NCALD: variants seen among roughly 807,000 people sequenced by gnomAD.
The protein encoded by NCALD is neurocalcin delta.
NCALD carries 10 observed loss-of-function variants against 18.6 expected under a neutral mutation model. The observed-to-expected ratio is 0.54, with a 90% CI of 0.33 to 0.91. The LOEUF is 0.91. Ranked by LOEUF, NCALD falls within the 40% of genes least tolerant of loss-of-function variation. The pLI is 0.03. For synonymous variants in NCALD, 88 were observed against 87.4 expected (o/e 1.01, Z -0.04); for missense variants, 184 against 247.6 (o/e 0.74, Z 1.72).
intron 1 of NCALD, among the ~76,000 whole-genome samples, chr8:102,089,398 GAA>G (rs575186551): frequency 8.0e-6 from 1 of 124,774 alleles, no homozygotes. Context: ...AGTCTCAAAG[GAA>G]AAAAAAAAAA....
At chr8:102,012,099 G>C (rs1394126740) in intron 2 of NCALD, among the ~76,000 whole-genome samples, 1 of 152,134 alleles carries the variant, frequency 6.6e-6, no homozygotes, top group African/African-American at 2.4e-5. Flanking sequence ...TGGGTACTTT[G>C]AGTCCACACT....
chr8:101,853,464 T>C (rs560161), intron 4 of NCALD, among the ~76,000 whole-genome samples: 57,625 of 151,742 alleles, frequency 0.38, 13,509 homozygotes, highest in African/African-American at 0.66. Flanking sequence ...ATCAAAATAT[T>C]GCAGTACTAA....
chr8:102,043,986 A>G (rs1356245694), intron 1 of NCALD, among the ~76,000 whole-genome samples: 1 of 151,902 alleles, frequency 6.6e-6, no homozygotes, highest in East Asian at 1.9e-4. Context: ...GCATTTTTTC[A>G]AAGACTCTAG....
chr8:101,958,905 G>T (rs1041554691), intron 2 of NCALD, among the ~76,000 whole-genome samples: 1 of 152,110 alleles, frequency 6.6e-6, no homozygotes, highest in African/African-American at 2.4e-5. Context: ...TGCAGAAACA[G>T]CACATTTGAG....
intron 2 of NCALD, among the ~76,000 whole-genome samples, chr8:101,929,069 A>G (rs1215466543): frequency 6.6e-6 from 1 of 151,874 alleles, no homozygotes; most frequent in Non-Finnish European, 1.5e-5. Flanking sequence ...GTATTCCCAT[A>G]TTATGTGATA....
chr8:101,917,523 G>A (rs562772645), intron 2 of NCALD, among the ~76,000 whole-genome samples: 1 of 151,866 alleles, frequency 6.6e-6, no homozygotes, highest in African/African-American at 2.4e-5. Flanking sequence ...AAATTCATAC[G>A]AAGAAGCAAC....
chr8:101,774,345 A>G (rs922017084), intron 1 of NCALD, among the ~76,000 whole-genome samples: 4 of 152,194 alleles, frequency 2.6e-5, no homozygotes, highest in African/African-American at 9.6e-5. Context: ...TATGAAAGAA[A>G]TAACTGAACA....
chr8:101,841,851 C>A (rs1481778450), intron 4 of NCALD, among the ~76,000 whole-genome samples: 1 of 152,070 alleles, frequency 6.6e-6, no homozygotes, highest in Non-Finnish European at 1.5e-5. Flanking sequence ...GAAGGGATTC[C>A]TCACTCTAGG....
chr8:101,855,232 AC>A (rs1439409074), intron 4 of NCALD, among the ~76,000 whole-genome samples: 1 of 152,122 alleles, frequency 6.6e-6, no homozygotes. Flanking sequence ...GGAGGATAAT[AC>A]CCCATCCCCT....
intron 1 of NCALD, among the ~76,000 whole-genome samples, chr8:102,040,172 C>T (rs1822999902): frequency 1.3e-5 from 2 of 152,092 alleles, no homozygotes; most frequent in Non-Finnish European, 2.9e-5. Context: ...ATGTTTATTG[C>T]TATTTTTATC....
intron 4 of NCALD, among the ~76,000 whole-genome samples, chr8:101,881,928 G>A (rs1331165637): frequency 6.6e-6 from 1 of 152,132 alleles, no homozygotes; most frequent in Non-Finnish European, 1.5e-5. Context: ...TACAATACAA[G>A]GCTAAAACAG....
At chr8:101,777,697 C>T (rs1811850955) in intron 1 of NCALD, among the ~76,000 whole-genome samples, 2 of 152,208 alleles carry the variant, frequency 1.3e-5, no homozygotes, top group Admixed American at 1.3e-4. Flanking sequence ...TAAAATCTCT[C>T]TTCAAGATGG....
chr8:101,789,838 C>G (rs1812382378), intron 1 of NCALD, among the ~76,000 whole-genome samples: 1 of 152,008 alleles, frequency 6.6e-6, no homozygotes, highest in Admixed American at 6.6e-5. Flanking sequence ...ACCTGTATGT[C>G]ATGAAAGAAA....
At chr8:101,948,700 T>C (rs1056093415) in intron 2 of NCALD, among the ~76,000 whole-genome samples, 2 of 152,090 alleles carry the variant, frequency 1.3e-5, no homozygotes, top group Non-Finnish European at 2.9e-5. Flanking sequence ...AAGGAACAGT[T>C]GAAAAGAATA....
intron 1 of NCALD, among the ~76,000 whole-genome samples, chr8:102,065,325 G>T (rs17500046): frequency 6.6e-6 from 1 of 151,708 alleles, no homozygotes; most frequent in South Asian, 2.1e-4. Context: ...CAAGGAAGCC[G>T]CTTGCCTGTT....
intron 1 of NCALD, among the ~76,000 whole-genome samples, chr8:101,783,154 C>T (rs922844074): frequency 5.9e-5 from 9 of 152,162 alleles, no homozygotes; most frequent in Non-Finnish European, 1.3e-4. Context: ...AACTCTAGGG[C>T]TCACTGTACA....
chr8:101,808,005 T>C (rs1813166452), intron 4 of NCALD, among the ~76,000 whole-genome samples: 1 of 152,054 alleles, frequency 6.6e-6, no homozygotes, highest in African/African-American at 2.4e-5. Flanking sequence ...GTTGGTACTT[T>C]GAACAAATTA....
chr8:102,062,654 G>C (rs1011871296), intron 1 of NCALD, among the ~76,000 whole-genome samples: 19 of 152,230 alleles, frequency 1.2e-4, no homozygotes, highest in African/African-American at 3.6e-4. Flanking sequence ...TCTGTCGGTT[G>C]GCTAGAGTTT....
At chr8:101,774,530 A>T (rs1023572093) in intron 1 of NCALD, among the ~76,000 whole-genome samples, 1 of 152,228 alleles carries the variant, frequency 6.6e-6, no homozygotes, top group Non-Finnish European at 1.5e-5. Flanking sequence ...ACATTAACTC[A>T]TGTGTGATTA....
Sources: allele counts gnomAD v4.1 joint callset (sites outside exome capture counted in the v4.1 genomes callset), GRCh38; gene constraint gnomAD v4.1.1; transcripts MANE v1.5; gene names NCBI Gene and HGNC (gene_info 2026-07-23, HGNC 2026-07-21).